Variants in DOCK1 observed in about 807,000 individuals in gnomAD.
The protein encoded by DOCK1 is dedicator of cytokinesis 1, also known as dedicator of cytokinesis protein 1.
Under a neutral mutation model 262.7 loss-of-function variants are expected in DOCK1, and 138 were observed. The ratio of observed to expected loss-of-function variants is 0.53; its 90% confidence interval spans 0.46 to 0.61. DOCK1 has a LOEUF of 0.61. Ranked by LOEUF, DOCK1 falls within the 20% of genes least tolerant of loss-of-function variation. DOCK1 has a pLI of 0.00. For missense variants in DOCK1, 1,908 were observed against 2,370.7 expected, an observed-to-expected ratio of 0.80 and a Z score of 4.05; for synonymous variants, 866 against 867.4, an observed-to-expected ratio of 1.00 and a Z score of 0.03.
chr10:127,003,711 T>A (rs1281916165), intron 10 of DOCK1, among the ~76,000 whole-genome samples: 1 of 152,020 alleles, frequency 6.6e-6, no homozygotes, highest in Non-Finnish European at 1.5e-5. Flanking sequence ...CCCAGCACTG[T>A]GGGAAGTTGA....
chr10:127,184,289 C>T (rs1485493974), intron 27 of DOCK1, among the ~76,000 whole-genome samples: 3 of 152,066 alleles, frequency 2.0e-5, no homozygotes. Context: ...CCAACAAGTG[C>T]TGCCAACGGC....
intron 48 of DOCK1, among the ~76,000 whole-genome samples, chr10:127,435,430 T>C (rs2069620053): frequency 6.6e-6 from 1 of 152,148 alleles, no homozygotes; most frequent in Admixed American, 6.5e-5. Context: ...TTGCAAACTA[T>C]CCCCATATTT....
chr10:126,978,241 G>T (rs1426767721), intron 3 of DOCK1, among the ~76,000 whole-genome samples: 1 of 152,198 alleles, frequency 6.6e-6, no homozygotes, highest in Non-Finnish European at 1.5e-5. Context: ...GTTGTCTTCT[G>T]TTCATGAATT....
chr10:127,230,594 G>C (rs572240331), intron 27 of DOCK1, among the ~76,000 whole-genome samples: 1 of 152,172 alleles, frequency 6.6e-6, no homozygotes, highest in Admixed American at 6.5e-5. Context: ...TTTATTTCCA[G>C]GCTCTCTATC....
chr10:127,443,176 C>G (rs1383422716), intron 49 of DOCK1, among the ~76,000 whole-genome samples: 2 of 152,282 alleles, frequency 1.3e-5, no homozygotes, highest in Admixed American at 1.3e-4. Flanking sequence ...TTGTGCCCTC[C>G]CAAATTTGGA....
chr10:126,975,870 C>T (rs562078508), intron 2 of DOCK1, among the ~76,000 whole-genome samples: 35 of 152,102 alleles, frequency 2.3e-4, no homozygotes, highest in African/African-American at 7.5e-4. Context: ...CTGCCCTCTT[C>T]GGCTGCCCAA....
chr10:127,097,242 T>C lies in DOCK1; in HGVS notation c.2446-8989T>C, dbSNP rs531756466. The stretch of plus-strand genomic sequence containing the variant: ...TGGTTTCAGTGTGTTCTTGTCCTTT[T>C]GGTTCAGTTTTGACCTCAGTTTCCC... On this transcript the variant is annotated intron_variant, in intron 23 of 51. Coordinates refer to ENST00000623213, the MANE Select transcript of DOCK1 (RefSeq NM_001290223.2). Among the ~76,000 whole-genome samples the C allele has an allele frequency of 2.4e-4, 37 of 152,362 alleles. No homozygotes were observed. The South Asian group carries it at 7.5e-3, about 31-fold the overall frequency.
chr10:127,368,645 C>G (rs2065051369), intron 33 of DOCK1, among the ~76,000 whole-genome samples: 1 of 152,096 alleles, frequency 6.6e-6, no homozygotes, highest in South Asian at 2.1e-4. Context: ...TCTTCGCGCC[C>G]CTTATCCCAT....
At chr10:127,312,692 C>T (rs2062107620) in intron 29 of DOCK1, among the ~76,000 whole-genome samples, 1 of 152,194 alleles carries the variant, frequency 6.6e-6, no homozygotes, top group Non-Finnish European at 1.5e-5. Context: ...CCTGTCCCTC[C>T]TCTATTTACC....
Position 127,244,633 on chromosome 10 carries a change from A to C in DOCK1, c.2848-3375A>C, listed in dbSNP as rs1279760648. 1.1e-4 allele frequency among the ~76,000 whole-genome samples: 17 copies of C among 152,040 alleles called. 1 individual carries two copies. The highest frequency in any genetic ancestry group is 1.0e-3 in the Admixed American group (16 of 15,270). On this transcript the variant is annotated intron_variant, in intron 27 of 51. Coordinates refer to ENST00000623213, the MANE Select transcript of DOCK1 (RefSeq NM_001290223.2). ...TCATCTTTGATTACTAATGAGGTTC[A>C]CTTTTTTTTGTTGTTTATTAGGCAT... is the stretch of plus-strand genomic sequence containing the variant.
At chr10:127,243,616 G>A (rs2059336164) in intron 27 of DOCK1, among the ~76,000 whole-genome samples, 1 of 152,148 alleles carries the variant, frequency 6.6e-6, no homozygotes. Context: ...TAAAACTGGG[G>A]CACTGAGGTA....
In DOCK1 at chr10:127,175,722, A is replaced by G; in HGVS notation, c.2847+47958A>G. 1 of 1,613,854 alleles carries G rather than the reference A, an allele frequency of 6.2e-7. No individual in the cohort carries two copies. The highest frequency in any genetic ancestry group is 8.5e-7 in the Non-Finnish European group (1 of 1,179,988). On this transcript the variant is annotated intron_variant, in intron 27 of 51. Coordinates refer to ENST00000623213, the MANE Select transcript of DOCK1 (RefSeq NM_001290223.2). This position sits in a 1 kb window ranked among gnomAD's most constrained non-coding sequence, Gnocchi z 6.3. ...CCCCCGGTCCTGCTTGGCCCTCCCG[A>G]GCAGCTGGTAATCGGGCTCTTCGGA...
rs2052744849 is a variant in DOCK1 at position 127,153,772 on chromosome 10, C to T, written c.2847+26008C>T. ...CTGATAGAATCATCCCAGCATGGCC[C>T]CAGATCGTTCTTGCATTTGTGGGTA... On this transcript the variant is annotated intron_variant, in intron 27 of 51. Transcript: ENST00000623213. 6 of 1,111,616 alleles carry T rather than the reference C, an allele frequency of 5.4e-6. No individual in the cohort carries two copies. The Admixed American group carries it at 7.0e-5, about 13-fold the overall frequency. 68.9% of individuals were successfully genotyped at this position (1,111,616 alleles called of 1,614,324 possible). A position where few individuals can be genotyped will look rare whatever the true frequency, so the allele number is the denominator to read the frequency against.
In DOCK1 at chr10:127,018,723, A is replaced by G. The variant is rs979407406; in HGVS notation, c.1215A>G (p.Thr405=). 2 of 1,613,954 alleles carry G rather than the reference A, an allele frequency of 1.2e-6. No homozygotes were observed. The highest frequency in any genetic ancestry group is 1.1e-5 in the South Asian group (1 of 91,084). ...VNHKGQGLWV[T]LKLLPGDIHQ... is the part of the protein sequence containing the mutation. ...TTGTTTTTCCAGGTTTGTGGGTAAC[A>G]TTGAAATTACTTCCTGGAGATATCC... is the stretch of plus-strand genomic sequence containing the variant. The change falls in exon 13 of 52, where the codon ACA becomes ACG. Residue 405 remains threonine, a synonymous_variant. Transcript: ENST00000623213.
At chr10:127,406,313 A>G (rs555440942) in intron 40 of DOCK1, among the ~76,000 whole-genome samples, 1 of 152,330 alleles carries the variant, frequency 6.6e-6, no homozygotes, top group East Asian at 1.9e-4. Flanking sequence ...GAGCCAATAG[A>G]TGCCAGGTTG....
At chr10:127,180,633 T>G (rs777800217) in intron 27 of DOCK1, among the ~76,000 whole-genome samples, 1 of 152,242 alleles carries the variant, frequency 6.6e-6, no homozygotes, top group Non-Finnish European at 1.5e-5. Context: ...CATCTCTGCA[T>G]GCTGCTTTAA....
At chr10:127,049,886 T>C (rs2044598176) in intron 21 of DOCK1, among the ~76,000 whole-genome samples, 1 of 149,968 alleles carries the variant, frequency 6.7e-6, no homozygotes, top group Non-Finnish European at 1.5e-5. Flanking sequence ...GGAGAGAATA[T>C]AAAATACAGA....
At chr10:127,173,927 C>A (rs756427392) in intron 27 of DOCK1, among the ~76,000 whole-genome samples, 1 of 152,198 alleles carries the variant, frequency 6.6e-6, no homozygotes, top group Admixed American at 6.5e-5. Context: ...GAGCATCAAG[C>A]TGTAGACAGG....
chr10:126,957,846 G>A (rs1050193539), intron 1 of DOCK1, among the ~76,000 whole-genome samples: 8 of 152,118 alleles, frequency 5.3e-5, no homozygotes, highest in Non-Finnish European at 1.0e-4. Context: ...CAGGAGAATG[G>A]ATAGACACAT....
Sources: allele counts gnomAD v4.1 joint callset (sites outside exome capture counted in the v4.1 genomes callset), GRCh38; gene constraint gnomAD v4.1.1; non-coding constraint Gnocchi (gnomAD v3.1); transcripts MANE v1.5; gene names NCBI Gene and HGNC (gene_info 2026-07-23, HGNC 2026-07-21).